GLB1: variants seen among roughly 807,000 people sequenced by gnomAD.
GLB1 encodes the protein galactosidase beta 1, also known as beta-galactosidase.
GLB1 carries 56 observed loss-of-function variants against 74.0 expected under a neutral mutation model. The observed-to-expected ratio is 0.76, with a 90% CI of 0.61 to 0.94. GLB1 has a LOEUF of 0.94. Among genes scored for constraint, GLB1 ranks in the 40% least tolerant of loss-of-function variants. GLB1 has a pLI of 0.00. For missense variants in GLB1, 787 were observed against 845.5 expected (o/e 0.93, Z 0.86); for synonymous variants, 323 against 323.6 (o/e 1.00, Z 0.02).
intron 5 of GLB1, among the ~76,000 whole-genome samples, chr3:33,063,248 C>CCT (rs1699524464): frequency 7.1e-6 from 1 of 141,412 alleles, no homozygotes; most frequent in Non-Finnish European, 1.6e-5. Flanking sequence ...TGTAAGAAAG[C>CCT]AGAAAAAAAA....
chr3:33,043,230 A>G (rs1698576005), intron 10 of GLB1, among the ~76,000 whole-genome samples: 1 of 152,176 alleles, frequency 6.6e-6, no homozygotes, highest in African/African-American at 2.4e-5. Flanking sequence ...AAACGAGCAA[A>G]ATGAATCTCT....
the GLB1 span, among the ~76,000 whole-genome samples, chr3:32,987,322 C>T: frequency 2.6e-5 from 4 of 152,234 alleles, no homozygotes; most frequent in African/African-American, 7.2e-5. Context: ...ATCAGTGGAG[C>T]CTGTTCCAGA....
At chr3:32,973,626 A>C in the GLB1 span, among the ~76,000 whole-genome samples, 1 of 152,050 alleles carries the variant, frequency 6.6e-6, no homozygotes, top group East Asian at 1.9e-4. Flanking sequence ...GATTACAGGC[A>C]TGAGCCACCA....
At chr3:33,029,305 G>A (rs1697909434) in intron 10 of GLB1, among the ~76,000 whole-genome samples, 1 of 152,136 alleles carries the variant, frequency 6.6e-6, no homozygotes, top group Admixed American at 6.5e-5. Context: ...TTCAACACGG[G>A]AAGCTGCTCT....
intron 7 of GLB1, among the ~76,000 whole-genome samples, chr3:33,053,277 T>C (rs940928007): frequency 1.1e-4 from 16 of 152,148 alleles, no homozygotes; most frequent in Non-Finnish European, 1.3e-4. Context: ...TTCATGTTGG[T>C]CCCCAGTCTG....
At chr3:33,091,377 A>G (rs1700753664) in intron 1 of GLB1, 1 of 985,338 alleles carries the variant, frequency 1.0e-6, no homozygotes, top group South Asian at 4.7e-5. Flanking sequence ...AATGCACATG[A>G]GGGAAGGAAG....
chr3:33,017,208 G>A (rs2125467672), intron 13 of GLB1, among the ~76,000 whole-genome samples: 1 of 152,262 alleles, frequency 6.6e-6, no homozygotes, highest in East Asian at 1.9e-4. Flanking sequence ...AATTGCTTCT[G>A]AACAACATGG....
At chr3:32,964,480 C>A in the GLB1 span, among the ~76,000 whole-genome samples, 67 of 152,294 alleles carry the variant, frequency 4.4e-4, no homozygotes, top group Admixed American at 4.4e-3. Context: ...TCTGTTCATT[C>A]TATTACTAGA....
the GLB1 span, among the ~76,000 whole-genome samples, chr3:32,973,697 G>T: frequency 2.0e-5 from 3 of 151,992 alleles, no homozygotes; most frequent in Non-Finnish European, 2.9e-5. Context: ...AATTATGTTT[G>T]CACCAACCTA....
intron 10 of GLB1, among the ~76,000 whole-genome samples, chr3:33,024,967 C>T (rs1363499717): frequency 1.4e-5 from 2 of 147,608 alleles, no homozygotes; most frequent in Non-Finnish European, 3.0e-5. Flanking sequence ...TTTTTTGAGA[C>T]GAAGTCTCGG....
At chr3:32,968,894 G>A in the GLB1 span, among the ~76,000 whole-genome samples, 3 of 152,214 alleles carry the variant, frequency 2.0e-5, no homozygotes, top group Non-Finnish European at 4.4e-5. Flanking sequence ...AGATTCTATG[G>A]CACTTGGATG....
intron 9 of GLB1, among the ~76,000 whole-genome samples, chr3:33,050,541 G>A (rs951834864): frequency 6.6e-6 from 1 of 152,226 alleles, no homozygotes; most frequent in African/African-American, 2.4e-5. Flanking sequence ...TCATACAGGT[G>A]TATATATGTG....
chr3:32,999,915 T>C (rs567180643), intron 15 of GLB1, among the ~76,000 whole-genome samples: 100 of 147,132 alleles, frequency 6.8e-4, no homozygotes, highest in African/African-American at 2.5e-3. Flanking sequence ...CCTCCCAAAG[T>C]GTTGGGATTA....
the GLB1 span, among the ~76,000 whole-genome samples, chr3:32,963,842 A>C: frequency 6.6e-6 from 1 of 152,206 alleles, no homozygotes; most frequent in Non-Finnish European, 1.5e-5. Context: ...TACTTTCATA[A>C]TCTGCCAAAG....
chr3:33,019,573 C>T (rs553158348), intron 12 of GLB1, among the ~76,000 whole-genome samples: 1 of 152,280 alleles, frequency 6.6e-6, no homozygotes, highest in African/African-American at 2.4e-5. Context: ...ACTAATCCAC[C>T]TTCCTGTGTT....
the GLB1 span, among the ~76,000 whole-genome samples, chr3:32,969,079 T>C: frequency 6.6e-6 from 1 of 152,208 alleles, no homozygotes; most frequent in Non-Finnish European, 1.5e-5. Context: ...CCGGAGAGAT[T>C]TGACACATCG....
chr3:32,964,218 A>G, the GLB1 span, among the ~76,000 whole-genome samples: 2 of 152,232 alleles, frequency 1.3e-5, no homozygotes. Flanking sequence ...CTCCATGGTT[A>G]CCTTGGTTAG....
At chr3:33,077,068 A>G (rs749139601) in intron 1 of GLB1, 98 of 1,330,658 alleles carry the variant, frequency 7.4e-5, no homozygotes, top group Non-Finnish European at 9.2e-5. Context: ...TATAAAAAAA[A>G]AAATTAAAAT....
At chr3:33,068,398 C>A in intron 3 of GLB1, 108 bp from the exon 4 acceptor site, 1 of 1,455,696 alleles carries the variant, frequency 6.9e-7, no homozygotes, top group East Asian at 2.4e-5. Flanking sequence ...CTTCAAGGGA[C>A]AAGGGGTATT....
Sources: allele counts gnomAD v4.1 joint callset (sites outside exome capture counted in the v4.1 genomes callset), GRCh38; gene constraint gnomAD v4.1.1; transcripts MANE v1.5; gene names NCBI Gene and HGNC (gene_info 2026-07-23, HGNC 2026-07-21).